The following ANKLE2 variants were observed in gnomAD, a reference collection of about 807,000 sequenced individuals.
The protein encoded by ANKLE2 is ankyrin repeat and LEM domain containing 2, also known as ankyrin repeat and LEM domain-containing protein 2.
ANKLE2 carries 55 observed loss-of-function variants against 84.2 expected under a neutral mutation model. The observed-to-expected ratio is 0.65, with a 90% CI of 0.53 to 0.82. The LOEUF (loss-of-function observed/expected upper bound fraction) is 0.82. ANKLE2 is among the 40% of genes least tolerant of loss of function. The pLI, the probability that ANKLE2 is intolerant of heterozygous loss-of-function variation, is 0.00. For synonymous variants in ANKLE2, 551 were observed against 486.1 expected, an observed-to-expected ratio of 1.13 and a Z score of -1.76; for missense variants, 1,238 against 1,201.9, an observed-to-expected ratio of 1.03 and a Z score of -0.44.
rs780341126 is a variant in ANKLE2, at chr12:132,730,062, C to A, written c.2100G>T (p.Gly700=). ...TGCTGTGATTCAGAGGATGGCAGAGCCCATTTCTGCTGCTGTGTGGACCTC... is the reference window on the plus strand; with the variant it reads ...TGCTGTGATTCAGAGGATGGCAGAGACCATTTCTGCTGCTGTGTGGACCTC... The part of the protein sequence containing the change: ...EPGGPHSSRN[G]LCHPLNHSRT... Residue 700 remains glycine, a synonymous_variant, in exon 11 of 13, where the codon GGG becomes GGT. Coordinates refer to ENST00000357997, the MANE Select transcript of ANKLE2 (RefSeq NM_015114.3). 6.8e-6 allele frequency: 11 copies of A among 1,612,762 alleles called. No homozygotes were observed. The highest frequency in any genetic ancestry group is 6.7e-5 in the Admixed American group (4 of 59,980).
chr12:132,726,915 C>T lies in ANKLE2; in HGVS notation c.*327G>A, dbSNP rs1429747483. On this transcript the variant is annotated 3_prime_UTR_variant, in exon 13 of 13. Transcript: ENST00000357997. ...GGATGAGGTGAGTACAGGGTAAGTA[C>T]AGGGCTGCCTGCCTGCAACTGCCTC... The T allele has an allele frequency of 3.0e-6, 1 of 329,972 alleles. No individual in the cohort carries two copies. Among genetic ancestry groups the T allele is most frequent in the Admixed American group, 4.3e-5 (1 of 23,054 alleles). 20.4% of individuals were successfully genotyped at this position (329,972 alleles called of 1,614,324 possible). A position where few individuals can be genotyped will look rare whatever the true frequency, so the allele number is the denominator to read the frequency against.
intron 7 of ANKLE2, among the ~76,000 whole-genome samples, chr12:132,739,890 T>G (rs1415203565): frequency 6.6e-6 from 1 of 151,592 alleles, no homozygotes; most frequent in Non-Finnish European, 1.5e-5. Flanking sequence ...GGAGGTGCCG[T>G]GTAGCTCAGC....
chr12:132,741,316 C>G (rs928717608), intron 7 of ANKLE2, 103 bp downstream of exon 7: 4 of 1,178,960 alleles, frequency 3.4e-6, no homozygotes, highest in Non-Finnish European at 4.9e-6. Context: ...AGCCGGCACA[C>G]GCCCGGGGAG....
At chr12:132,732,645 T>C (rs1231825242) in intron 10 of ANKLE2, among the ~76,000 whole-genome samples, 1 of 122,230 alleles carries the variant, frequency 8.2e-6, no homozygotes, top group African/African-American at 3.1e-5. Context: ...CGTGAAGCGC[T>C]CTGCGTGCTG....
intron 3 of ANKLE2, chr12:132,748,877 A>ATATG (rs1244240109): frequency 6.6e-6 from 1 of 150,538 alleles, no homozygotes; most frequent in African/African-American, 2.4e-5. Context: ...ATATATATAT[A>ATATG]TATATACACA....
rs375055766 is a variant in ANKLE2 at position 132,730,009 on chromosome 12, G to A, written c.2153C>T (p.Ala718Val). 20 of 1,613,246 alleles carry A rather than the reference G, an allele frequency of 1.2e-5. No individual in the cohort carries two copies. In the South Asian group the frequency reaches 1.5e-4, roughly 12 times the overall value. ...SRTLAGKRPK[A>V]PRGEEAHLPP... ...CAGATGGGCTTCCTCCCCACGGGGG[G>A]CCTTTGGTCTCTTGCCCGCCAGGGT... Residue 718 changes from alanine (A) to valine (V), a missense_variant, in exon 11 of 13, where the codon GCC becomes GTC. Around this residue, in one of 3 missense-constraint regions of ANKLE2, gnomAD observed 802 missense variants for 774.5 expected, o/e 1.04. Coordinates refer to ENST00000357997, the MANE Select transcript of ANKLE2 (RefSeq NM_015114.3).
At chr12:132,755,228 G>A (rs982080683) in intron 1 of ANKLE2, 95 bp from the exon 2 acceptor site, 5 of 1,196,276 alleles carry the variant, frequency 4.2e-6, no homozygotes, top group Non-Finnish European at 4.6e-6. Context: ...AATGGCATCA[G>A]TTTCTGTTTC....
chr12:132,761,058 T>G (rs1176747744), intron 1 of ANKLE2: 1 of 152,252 alleles, frequency 6.6e-6, no homozygotes, highest in Non-Finnish European at 1.5e-5. Context: ...ACCTCAAACT[T>G]AAAACGACCA....
At chr12:132,750,993 G>C (rs1293772189) in intron 2 of ANKLE2, 144 bp from the exon 3 acceptor site, 2 of 697,956 alleles carry the variant, frequency 2.9e-6, no homozygotes, top group East Asian at 5.4e-5. Context: ...TGAAGAAAAA[G>C]GGCCTAAGCT....
At chr12:132,751,012 T>G in intron 2 of ANKLE2, 163 bp from the exon 3 acceptor site, 1 of 619,268 alleles carries the variant, frequency 1.6e-6, no homozygotes, top group Admixed American at 2.9e-5. Flanking sequence ...CTAGCCAAAA[T>G]AGAACAATTA....
chr12:132,744,585 A>G (rs2044195694), intron 5 of ANKLE2, among the ~76,000 whole-genome samples: 1 of 152,080 alleles, frequency 6.6e-6, no homozygotes. Context: ...GACCCCAAAA[A>G]GGTCTGGATG....
chr12:132,748,882 T>TATATATATATATATATATATAC (rs1380526374), intron 3 of ANKLE2: 11 of 148,612 alleles, frequency 7.4e-5, no homozygotes, highest in East Asian at 2.0e-4. Flanking sequence ...TATATATATA[T>TATATATATATATATATATATAC]ACACACGTAT....
chr12:132,754,619 C>T (rs144440856), intron 2 of ANKLE2, 56 bp downstream of exon 2: 6 of 1,491,212 alleles, frequency 4.0e-6, no homozygotes, highest in East Asian at 2.3e-5. Context: ...GACGTCATCC[C>T]GCCCCTCCGC....
intron 10 of ANKLE2, chr12:132,734,154 A>G: frequency 1.7e-6 from 1 of 575,334 alleles, no homozygotes; most frequent in Non-Finnish European, 3.2e-6. Flanking sequence ...CTGAGGCAGA[A>G]GAATCGCTTG....
intron 8 of ANKLE2, 100 bp from the exon 9 acceptor site, chr12:132,735,612 G>A (rs2043993144): frequency 7.9e-6 from 7 of 882,004 alleles, no homozygotes; most frequent in South Asian, 6.4e-5. Context: ...GCCTGTCTCC[G>A]CACACCCTTC....
At chr12:132,732,620 G>C (rs1231059170) in intron 10 of ANKLE2, among the ~76,000 whole-genome samples, 1 of 132,194 alleles carries the variant, frequency 7.6e-6, no homozygotes, top group Non-Finnish European at 1.6e-5. Flanking sequence ...CTGCGTCCTG[G>C]TGTCTGATAC....
Position 132,735,496 on chromosome 12 carries a change from T to C in ANKLE2, c.1610A>G (p.Lys537Arg). 3 of 1,612,754 alleles carry C rather than the reference T, an allele frequency of 1.9e-6. No individual in the cohort carries two copies. The South Asian group carries it at 3.3e-5, about 18-fold the overall frequency. ...CTCTCGAGGTGGAGTTTTCCAGAGC[T>C]TGCGAAAATCTTCTGCCTATGAAGA... ...LSPAKAEDFRKLWKTPPREKA... is the reference protein window; with the variant it reads ...LSPAKAEDFRRLWKTPPREKA... The change falls in exon 9 of 13, where the codon AAG (lysine) becomes AGG (arginine). Residue 537 changes from lysine (K) to arginine (R), a missense_variant. Transcript: ENST00000357997.
At chr12:132,736,811 A>G (rs961365207) in intron 8 of ANKLE2, 82 bp downstream of exon 8, 3 of 1,479,678 alleles carry the variant, frequency 2.0e-6, no homozygotes, top group Admixed American at 4.6e-5. Flanking sequence ...GAGACCACGC[A>G]CAAGGCAACA....
At position 132,727,443 on chromosome 12, in the gene ANKLE2, A is replaced by G. The variant is rs749960034; in HGVS notation, c.2616T>C (p.Ser872=). 6.4e-7 allele frequency: 1 copy of G among 1,553,462 alleles called. No individual in the cohort carries two copies. Residue 872 remains serine, a splice_region_variant and synonymous_variant, in exon 13 of 13, where the codon AGT becomes AGC. Transcript: ENST00000357997. ...TTCCTTTCACCGCGGGACTGGGCCAACTGCGGAAAGCAAGAAAGAACTGTT... is the reference window on the plus strand; with the variant it reads ...TTCCTTTCACCGCGGGACTGGGCCAGCTGCGGAAAGCAAGAAAGAACTGTT... ...VLCYSPSDRQ[S]WPSPAVKGRF...
Sources: gnomAD v4.1 joint callset for allele counts (sites outside exome capture counted in the v4.1 genomes callset) on GRCh38, gnomAD v4.1.1 for gene constraint, gnomAD v4.1.1 regional missense constraint, MANE v1.5 for transcripts, NCBI Gene and HGNC (gene_info 2026-07-23, HGNC 2026-07-21) for gene names.